The following ARK2N variants were observed in gnomAD, a reference collection of about 807,000 sequenced individuals.
The protein encoded by ARK2N is protein ARK2N.
At chr18:46,229,643 G>T in the ARK2N span, among the ~76,000 whole-genome samples, 3 of 150,856 alleles carry the variant, frequency 2.0e-5, no homozygotes, top group African/African-American at 4.9e-5. Context: ...TTGAGATGAG[G>T]TCTCGCTCTA....
the ARK2N span, among the ~76,000 whole-genome samples, chr18:46,206,021 C>T: frequency 6.6e-6 from 1 of 151,930 alleles, no homozygotes; most frequent in Admixed American, 6.6e-5. Flanking sequence ...TGAGCCACTG[C>T]CCCCAGTAGA....
chr18:46,191,476 C>A, the ARK2N span, among the ~76,000 whole-genome samples: 1 of 152,154 alleles, frequency 6.6e-6, no homozygotes, highest in Admixed American at 6.6e-5. Flanking sequence ...GCCACCACGC[C>A]TGGCCTGATA....
chr18:46,199,833 A>T, the ARK2N span, among the ~76,000 whole-genome samples: 2 of 152,112 alleles, frequency 1.3e-5, no homozygotes, highest in African/African-American at 4.8e-5. Context: ...TAGCTGTTTG[A>T]CAAAGAGGTT....
the ARK2N span, among the ~76,000 whole-genome samples, chr18:46,236,600 A>G: frequency 6.6e-6 from 1 of 152,360 alleles, no homozygotes; most frequent in Admixed American, 6.5e-5. Flanking sequence ...TGTTGTAAGC[A>G]TGGATGGAAT....
At chr18:46,233,935 T>C in the ARK2N span, among the ~76,000 whole-genome samples, 1 of 152,178 alleles carries the variant, frequency 6.6e-6, no homozygotes, top group Non-Finnish European at 1.5e-5. Context: ...ACATTTTTCC[T>C]TTTACTGAAA....
chr18:46,246,234 G>A, the ARK2N span, among the ~76,000 whole-genome samples: 5 of 152,124 alleles, frequency 3.3e-5, no homozygotes, highest in Non-Finnish European at 7.4e-5. Context: ...AGTCCTCCAT[G>A]GGGGGTGAGG....
At chr18:46,253,653 A>G in the ARK2N span, 1 of 1,586,924 alleles carries the variant, frequency 6.3e-7, no homozygotes, top group East Asian at 2.3e-5. Flanking sequence ...TTTGTGAGGA[A>G]TAAAATTATA....
At chr18:46,214,395 T>C in the ARK2N span, among the ~76,000 whole-genome samples, 5 of 152,336 alleles carry the variant, frequency 3.3e-5, no homozygotes, top group African/African-American at 4.8e-5. Context: ...TTTCCATATT[T>C]AGCATCCTCT....
the ARK2N span, among the ~76,000 whole-genome samples, chr18:46,257,706 A>G: frequency 6.6e-6 from 1 of 151,058 alleles, no homozygotes; most frequent in South Asian, 2.1e-4. Context: ...TTTTCCTTCT[A>G]CCGACCTCAT....
At chr18:46,244,766 T>C in the ARK2N span, among the ~76,000 whole-genome samples, 1 of 151,768 alleles carries the variant, frequency 6.6e-6, no homozygotes, top group Non-Finnish European at 1.5e-5. Context: ...TGCGCCTGGC[T>C]AATTTTTGTA....
the ARK2N span, chr18:46,216,566 G>A: frequency 1.9e-6 from 3 of 1,613,588 alleles, no homozygotes; most frequent in Non-Finnish European, 2.5e-6. The surrounding 1 kb of genome is among the most constrained non-coding windows in gnomAD (Gnocchi z 4.3). Flanking sequence ...GTTTCAGGGA[G>A]CAGCAAGACA....
the ARK2N span, among the ~76,000 whole-genome samples, chr18:46,247,442 TA>T: frequency 6.6e-6 from 1 of 152,246 alleles, no homozygotes; most frequent in Non-Finnish European, 1.5e-5. Flanking sequence ...AAGAATTAAC[TA>T]ATTCCATCAT....
chr18:46,263,241 C>T, the ARK2N span: 2 of 1,025,390 alleles, frequency 2.0e-6, no homozygotes, highest in East Asian at 2.7e-5. Flanking sequence ...AGGATTCAAA[C>T]TCATGGAAAA....
the ARK2N span, among the ~76,000 whole-genome samples, chr18:46,208,813 C>G: frequency 2.6e-5 from 4 of 152,238 alleles, no homozygotes; most frequent in South Asian, 6.2e-4. Context: ...GAATGGACAT[C>G]AGACAGTTAT....
chr18:46,181,331 C>G, the ARK2N span, among the ~76,000 whole-genome samples: 3 of 151,862 alleles, frequency 2.0e-5, no homozygotes, highest in African/African-American at 7.3e-5. Context: ...GCTTGTAATT[C>G]AAGTTCATGT....
the ARK2N span, among the ~76,000 whole-genome samples, chr18:46,227,955 T>C: frequency 6.6e-6 from 1 of 152,166 alleles, no homozygotes; most frequent in African/African-American, 2.4e-5. Context: ...TTTTGACCAG[T>C]AGAGGTAAGG....
At chr18:46,220,335 C>T in the ARK2N span, among the ~76,000 whole-genome samples, 1 of 152,194 alleles carries the variant, frequency 6.6e-6, no homozygotes, top group African/African-American at 2.4e-5. Context: ...TCTCAGCACC[C>T]ATTACTCACC....
At chr18:46,177,431 C>CTTTTTT in the ARK2N span, among the ~76,000 whole-genome samples, 3 of 89,326 alleles carry the variant, frequency 3.4e-5, no homozygotes, top group Non-Finnish European at 6.8e-5. Context: ...TTTTTCTTTA[C>CTTTTTT]TTTTTTTTTT....
the ARK2N span, among the ~76,000 whole-genome samples, chr18:46,225,991 T>C: frequency 6.6e-6 from 1 of 152,184 alleles, no homozygotes; most frequent in African/African-American, 2.4e-5. Context: ...AGGTAGATGG[T>C]TAATTCCTTG....
Sources: allele counts gnomAD v4.1 joint callset (sites outside exome capture counted in the v4.1 genomes callset), GRCh38; gene constraint gnomAD v4.1.1; non-coding constraint Gnocchi (gnomAD v3.1); transcripts MANE v1.5; gene names NCBI Gene and HGNC (gene_info 2026-07-23, HGNC 2026-07-21).